MYT1L: variants seen among roughly 807,000 people sequenced by gnomAD.
MYT1L encodes the protein myelin transcription factor 1-like protein.
Under a neutral mutation model 126.7 loss-of-function variants are expected in MYT1L, and 12 were observed. The ratio of observed to expected loss-of-function variants is 0.09; its 90% CI spans 0.06 to 0.15. The LOEUF is 0.15. Among genes scored for constraint, MYT1L ranks in the 10% least tolerant of loss-of-function variants. MYT1L has a pLI of 1.00. For synonymous variants in MYT1L, 541 were observed against 604.2 expected (o/e 0.90, Z 1.53); for missense variants, 979 against 1,585.2 (o/e 0.62, Z 6.49).
chr2:2,082,488 T>C (rs1263881892), intron 3 of MYT1L, among the ~76,000 whole-genome samples: 1 of 152,226 alleles, frequency 6.6e-6, no homozygotes, highest in African/African-American at 2.4e-5. Flanking sequence ...AAGCCACACA[T>C]CAGAAGCTCT....
intron 2 of MYT1L, among the ~76,000 whole-genome samples, chr2:2,236,113 C>A (rs911874826): frequency 4.0e-5 from 6 of 151,036 alleles, no homozygotes; most frequent in African/African-American, 1.2e-4. Context: ...CCAGTACATC[C>A]CAACCCAACC....
At chr2:2,062,835 T>C (rs2070707524) in intron 3 of MYT1L, among the ~76,000 whole-genome samples, 1 of 152,146 alleles carries the variant, frequency 6.6e-6, no homozygotes, top group African/African-American at 2.4e-5. Context: ...TCTTTGCTTC[T>C]AGTGTTTTAG....
chr2:2,212,959 G>C (rs1359905597), intron 2 of MYT1L, among the ~76,000 whole-genome samples: 1 of 152,154 alleles, frequency 6.6e-6, no homozygotes, highest in Non-Finnish European at 1.5e-5. Flanking sequence ...ATGAGGGGAA[G>C]AGAGGAAGAA....
chr2:1,906,811 C>T (rs1039651329), intron 13 of MYT1L, among the ~76,000 whole-genome samples: 1 of 151,896 alleles, frequency 6.6e-6, no homozygotes, highest in Admixed American at 6.6e-5. Context: ...GGCATGGTGG[C>T]TCATGCCTGT....
intron 2 of MYT1L, among the ~76,000 whole-genome samples, chr2:2,222,092 A>G (rs1356337260): frequency 6.6e-6 from 1 of 152,110 alleles, no homozygotes; most frequent in Non-Finnish European, 1.5e-5. Context: ...AGGTAGAACT[A>G]TTTTTTCTTT....
At chr2:2,267,621 GC>G (rs2095165807) in intron 2 of MYT1L, among the ~76,000 whole-genome samples, 1 of 152,182 alleles carries the variant, frequency 6.6e-6, no homozygotes, top group Non-Finnish European at 1.5e-5. Flanking sequence ...AGGTTGCCCT[GC>G]AGTTCACCGC....
intron 3 of MYT1L, among the ~76,000 whole-genome samples, chr2:2,067,858 T>C (rs2074064543): frequency 6.6e-6 from 1 of 152,122 alleles, no homozygotes; most frequent in African/African-American, 2.4e-5. Flanking sequence ...TAAAAGATAG[T>C]GCAGAAAATG....
intron 9 of MYT1L, among the ~76,000 whole-genome samples, chr2:1,930,652 C>T (rs1001985089): frequency 6.6e-6 from 1 of 152,150 alleles, no homozygotes; most frequent in African/African-American, 2.4e-5. Context: ...GAGGAGGTAT[C>T]TGAATTTTGC....
At chr2:2,174,981 C>A (rs892973472) in intron 2 of MYT1L, among the ~76,000 whole-genome samples, 14 of 152,094 alleles carry the variant, frequency 9.2e-5, no homozygotes, top group Admixed American at 2.6e-4. Flanking sequence ...AATCCCCAGG[C>A]AGCAAGTGAG....
intron 8 of MYT1L, among the ~76,000 whole-genome samples, chr2:1,975,524 T>C (rs970159204): frequency 2.6e-5 from 4 of 152,096 alleles, no homozygotes; most frequent in African/African-American, 9.7e-5. Flanking sequence ...AAGTTAGGAG[T>C]TCGAGACCAT....
At chr2:2,096,025 G>A (rs1399788632) in intron 3 of MYT1L, among the ~76,000 whole-genome samples, 2 of 152,140 alleles carry the variant, frequency 1.3e-5, no homozygotes, top group Non-Finnish European at 2.9e-5. Context: ...TTTTACACAT[G>A]GTTCACGCAT....
At chr2:2,184,628 C>A (rs1347214999) in intron 2 of MYT1L, among the ~76,000 whole-genome samples, 3 of 152,138 alleles carry the variant, frequency 2.0e-5, no homozygotes. Flanking sequence ...AGGAATAACA[C>A]TCATCTGAGC....
At chr2:2,253,047 C>A (rs1359943408) in intron 2 of MYT1L, among the ~76,000 whole-genome samples, 1 of 151,722 alleles carries the variant, frequency 6.6e-6, no homozygotes, top group Non-Finnish European at 1.5e-5. Context: ...GCAAGTTTTT[C>A]TGCAAAATTT....
intron 3 of MYT1L, among the ~76,000 whole-genome samples, chr2:2,152,053 C>CTCAA (rs906270634): frequency 8.5e-5 from 13 of 152,192 alleles, no homozygotes; most frequent in African/African-American, 1.4e-4. Context: ...AAGACTCCAT[C>CTCAA]TCAATCAATC....
In MYT1L at chr2:1,917,110, G is replaced by A; in HGVS notation, c.1618+95C>T. 1 of 1,441,004 alleles carries A rather than the reference G, an allele frequency of 6.9e-7. No individual in the cohort carries two copies. The highest frequency in any genetic ancestry group is 1.4e-5 in the South Asian group (1 of 70,206). 89.3% of individuals were successfully genotyped at this position (1,441,004 alleles called of 1,614,324 possible). On this transcript the variant is annotated intron_variant, in intron 11 of 24. Transcript: ENST00000647738. This position sits in a 1 kb window ranked among gnomAD's most constrained non-coding sequence, Gnocchi z 5.9. ...GCCTAGTTAAATCAGGTCGCACCGA[G>A]CCGTACAATGGAGATGATGTCAGGT... is the stretch of plus-strand genomic sequence containing the variant.
At chr2:1,859,793 CCT>C (rs1189235834) in intron 18 of MYT1L, among the ~76,000 whole-genome samples, 1 of 152,264 alleles carries the variant, frequency 6.6e-6, no homozygotes, top group Non-Finnish European at 1.5e-5. Flanking sequence ...GCCCTGGTGC[CCT>C]GATACCCTGG....
chr2:1,889,160 T>A lies in MYT1L; in HGVS notation c.2520+81A>T, dbSNP rs930650552. On this transcript the variant is annotated intron_variant, in intron 16 of 24. Coordinates refer to ENST00000647738, the MANE Select transcript of MYT1L (RefSeq NM_001303052.2). This position sits in a 1 kb window ranked among gnomAD's most constrained non-coding sequence, Gnocchi z 4.1. ...AGAGAAAATATATTTTCTCATAACG[T>A]ATGTGCAAATGGCTTTTCTTTCAGC... 43 of 1,030,534 alleles carry A rather than the reference T, an allele frequency of 4.2e-5. No individual in the cohort carries two copies. Among genetic ancestry groups the A allele is most frequent in the Non-Finnish European group, 6.0e-5 (41 of 681,862 alleles). 63.8% of individuals were successfully genotyped at this position (1,030,534 alleles called of 1,614,324 possible).
At chr2:1,804,046 C>A (rs1178732908) in intron 22 of MYT1L, among the ~76,000 whole-genome samples, 1 of 152,166 alleles carries the variant, frequency 6.6e-6, no homozygotes, top group Admixed American at 6.5e-5. Context: ...AGGAAGCAGT[C>A]CCTGGGGTTG....
chr2:2,124,771 C>T (rs545662595), intron 3 of MYT1L, among the ~76,000 whole-genome samples: 28 of 152,060 alleles, frequency 1.8e-4, no homozygotes, highest in African/African-American at 6.8e-4. Flanking sequence ...GGGGTGGTCC[C>T]GACACAAAGG....
Sources: allele counts gnomAD v4.1 joint callset (sites outside exome capture counted in the v4.1 genomes callset), GRCh38; gene constraint gnomAD v4.1.1; non-coding constraint Gnocchi (gnomAD v3.1); transcripts MANE v1.5; gene names NCBI Gene and HGNC (gene_info 2026-07-23, HGNC 2026-07-21).